ARHGAP24: variants seen among roughly 807,000 people sequenced by gnomAD.
ARHGAP24 encodes rho GTPase-activating protein 24.
Under a neutral mutation model 76.4 loss-of-function variants are expected in ARHGAP24, and 50 were observed. The observed-to-expected ratio is 0.65, with a 90% CI of 0.52 to 0.83. ARHGAP24 has a LOEUF of 0.83. ARHGAP24 is among the 40% of genes least tolerant of loss of function. The pLI is 0.00. For synonymous variants in ARHGAP24, 345 were observed against 323.3 expected (o/e 1.07, Z -0.72); for missense variants, 930 against 914.2 (o/e 1.02, Z -0.22).
intron 3 of ARHGAP24, among the ~76,000 whole-genome samples, chr4:85,902,632 C>T (rs893750202): frequency 2.0e-5 from 3 of 152,168 alleles, no homozygotes; most frequent in Admixed American, 2.0e-4. Flanking sequence ...GAACCGGAGT[C>T]TCACTCTGTT....
chr4:85,974,801 T>C, intron 6 of ARHGAP24, 87 bp from the exon 7 acceptor site: 1 of 1,285,626 alleles, frequency 7.8e-7, no homozygotes, highest in Non-Finnish European at 1.1e-6. Context: ...AACTAATTTT[T>C]TAAAAAATTA....
intron 2 of ARHGAP24, among the ~76,000 whole-genome samples, chr4:85,621,868 C>T (rs111402123): frequency 3.6e-4 from 54 of 151,946 alleles, no homozygotes; most frequent in African/African-American, 9.7e-4. Context: ...GTTTTTCCTA[C>T]GAATTCTTTA....
In ARHGAP24 at chr4:85,918,911, C is replaced by T. The variant is rs1735564819; in HGVS notation, c.269-4737C>T. On this transcript the variant is annotated intron_variant, in intron 3 of 9. Transcript: ENST00000395184. ...CTAAAAGTTGTATACTACTTTCCGA[C>T]ATGTGTTATTTAAAATGCGAACAAA... Among the ~76,000 whole-genome samples, 3 of 152,024 alleles carry T rather than the reference C, an allele frequency of 2.0e-5. No homozygotes were observed. The South Asian group carries it at 6.2e-4, about 32-fold the overall frequency.
intron 9 of ARHGAP24, among the ~76,000 whole-genome samples, chr4:85,999,599 G>A (rs1560778097): frequency 1.3e-5 from 2 of 152,090 alleles, no homozygotes; most frequent in Non-Finnish European, 2.9e-5. Context: ...GCTCAGAATA[G>A]GAGAAATTAA....
chr4:85,670,131 C>T (rs1722774504), intron 2 of ARHGAP24, among the ~76,000 whole-genome samples: 1 of 152,100 alleles, frequency 6.6e-6, no homozygotes, highest in Non-Finnish European at 1.5e-5. Flanking sequence ...TTTTCCTCTC[C>T]AATAAACTGC....
At chr4:85,990,346 A>G (rs149119937) in intron 8 of ARHGAP24, 32 of 151,958 alleles carry the variant, frequency 2.1e-4, no homozygotes, top group Middle Eastern at 6.8e-3. Flanking sequence ...TTATTAAGCT[A>G]TTAATTTTTC....
At chr4:85,851,225 G>T (rs1731210898) in intron 3 of ARHGAP24, among the ~76,000 whole-genome samples, 1 of 152,098 alleles carries the variant, frequency 6.6e-6, no homozygotes, top group South Asian at 2.1e-4. Context: ...TGTCTCTTTT[G>T]ATCTTTTTGG....
intron 2 of ARHGAP24, among the ~76,000 whole-genome samples, chr4:85,718,873 A>G (rs764130915): frequency 2.6e-5 from 4 of 152,210 alleles, no homozygotes; most frequent in Admixed American, 2.6e-4. Flanking sequence ...TTAAATTACA[A>G]AATGTGATAG....
chr4:85,923,625 G>T (rs1254525705), intron 3 of ARHGAP24, 23 bp from the exon 4 acceptor site: 4 of 1,613,074 alleles, frequency 2.5e-6, no homozygotes, highest in East Asian at 4.5e-5. Flanking sequence ...AACTTCAGCT[G>T]CATTGTTACT....
At chr4:85,960,016 G>A (rs1738152691) in intron 5 of ARHGAP24, among the ~76,000 whole-genome samples, 1 of 152,118 alleles carries the variant, frequency 6.6e-6, no homozygotes, top group South Asian at 2.1e-4. Flanking sequence ...CATAGTGTAA[G>A]ACAGAAATTA....
chr4:85,507,646 A>T (rs550649844), intron 1 of ARHGAP24, among the ~76,000 whole-genome samples: 1 of 152,298 alleles, frequency 6.6e-6, no homozygotes, highest in South Asian at 2.1e-4. Context: ...TTTCTGACCT[A>T]AAAATAGTGA....
chr4:85,676,620 T>C (rs1203619738), intron 2 of ARHGAP24, among the ~76,000 whole-genome samples: 3 of 152,042 alleles, frequency 2.0e-5, no homozygotes, highest in Admixed American at 6.5e-5. Flanking sequence ...TTACCAATGG[T>C]CCTTTTGGCT....
intron 2 of ARHGAP24, among the ~76,000 whole-genome samples, chr4:85,667,312 A>T (rs1035219098): frequency 2.0e-5 from 3 of 152,116 alleles, no homozygotes; most frequent in African/African-American, 7.2e-5. Context: ...CAGGTGCTGG[A>T]TATAATCTCC....
intron 4 of ARHGAP24, among the ~76,000 whole-genome samples, chr4:85,941,560 C>G (rs1045655830): frequency 3.3e-5 from 5 of 152,026 alleles, no homozygotes; most frequent in African/African-American, 1.2e-4. Flanking sequence ...GTTTCTTTTC[C>G]TGGTTTTATC....
intron 3 of ARHGAP24, among the ~76,000 whole-genome samples, chr4:85,803,337 T>A (rs116352667): frequency 6.6e-6 from 1 of 152,312 alleles, no homozygotes; most frequent in African/African-American, 2.4e-5. Context: ...TGTAGAAGAC[T>A]GCTTAGTGCT....
intron 3 of ARHGAP24, among the ~76,000 whole-genome samples, chr4:85,775,684 G>A (rs1022976519): frequency 6.6e-6 from 1 of 152,154 alleles, no homozygotes; most frequent in Non-Finnish European, 1.5e-5. Flanking sequence ...AACCATATCA[G>A]TAGGAAAGAT....
intron 5 of ARHGAP24, among the ~76,000 whole-genome samples, chr4:85,966,579 A>G (rs1477582660): frequency 6.6e-6 from 1 of 152,172 alleles, no homozygotes; most frequent in Non-Finnish European, 1.5e-5. Context: ...CTTTTTAAAG[A>G]GATGCTGAAT....
chr4:85,867,689 C>G (rs771859130), intron 3 of ARHGAP24, among the ~76,000 whole-genome samples: 18 of 151,404 alleles, frequency 1.2e-4, no homozygotes, highest in Non-Finnish European at 2.5e-4. Flanking sequence ...TATTTTTATA[C>G]TCACTTCTCA....
At chr4:85,944,917 G>A (rs544465933) in intron 5 of ARHGAP24, among the ~76,000 whole-genome samples, 269 of 151,846 alleles carry the variant, frequency 1.8e-3, no homozygotes, top group Non-Finnish European at 3.1e-3. Context: ...GCACAATCTC[G>A]GCTCACCACA....
Sources: gnomAD v4.1 joint callset for allele counts (sites outside exome capture counted in the v4.1 genomes callset) on GRCh38, gnomAD v4.1.1 for gene constraint, MANE v1.5 for transcripts, NCBI Gene and HGNC (gene_info 2026-07-23, HGNC 2026-07-21) for gene names.